NDRG4: variants seen among roughly 807,000 people sequenced by gnomAD.
NDRG4 encodes the protein NDRG family member 4, also known as protein NDRG4.
NDRG4 carries 38 observed loss-of-function variants against 55.8 expected under a neutral mutation model. That is an observed-to-expected ratio of 0.68 (90% CI 0.53 to 0.89). The LOEUF is 0.89. Ranked by LOEUF, NDRG4 falls within the 40% of genes least tolerant of loss-of-function variation. The probability of loss-of-function intolerance (pLI) is 0.00; values close to 1 mark genes in which losing one functional copy is unlikely to be tolerated. For missense variants in NDRG4, 455 were observed against 468.6 expected, an observed-to-expected ratio of 0.97 and a Z score of 0.27; for synonymous variants, 190 against 182.7, an observed-to-expected ratio of 1.04 and a Z score of -0.32.
intron 1 of NDRG4, among the ~76,000 whole-genome samples, chr16:58,478,715 T>A (rs1338140033): frequency 6.7e-6 from 1 of 148,640 alleles, no homozygotes; most frequent in African/African-American, 2.5e-5. Context: ...TTTTTGTAAT[T>A]TTTTTGTAAG....
intron 1 of NDRG4, among the ~76,000 whole-genome samples, chr16:58,467,810 G>A (rs1265223410): frequency 6.6e-6 from 1 of 152,240 alleles, no homozygotes; most frequent in East Asian, 1.9e-4. Context: ...AAGACGTCGA[G>A]TGCAGCTTCT....
Position 58,511,619 on chromosome 16 carries a change from G to A in NDRG4, c.*43G>A, listed in dbSNP as rs372458556. 44 of 1,611,246 alleles carry A rather than the reference G, an allele frequency of 2.7e-5. No individual in the cohort carries two copies. Among genetic ancestry groups the A allele is most frequent in the African/African-American group, 8.0e-5 (6 of 74,990 alleles). ...ACGACGCCCACGTCGAGGCCCCACC[G>A]CCATCCTTGCGCCGGCTCATGTTCC... On this transcript the variant is annotated 3_prime_UTR_variant, in exon 15 of 15. Coordinates refer to ENST00000570248, the MANE Select transcript of NDRG4 (RefSeq NM_001242835.2).
intron 1 of NDRG4, among the ~76,000 whole-genome samples, chr16:58,466,904 G>A: frequency 6.6e-6 from 1 of 152,278 alleles, no homozygotes; most frequent in Non-Finnish European, 1.5e-5. Flanking sequence ...GACCCTGGTG[G>A]GCACCTCTTG....
rs1417499455 is a variant in NDRG4, at chr16:58,512,857, G to C, written c.*1281G>C. On this transcript the variant is annotated 3_prime_UTR_variant, in exon 15 of 15. Coordinates refer to ENST00000570248, the MANE Select transcript of NDRG4 (RefSeq NM_001242835.2). ...TCAATAATCACAAACCCCAAAACGG[G>C]AGAGAGCAGTGAAAACATGCAGGGC... The C allele has an allele frequency of 6.5e-6, 1 of 152,836 alleles. No individual in the cohort carries two copies. The highest frequency in any genetic ancestry group is 2.4e-5 in the African/African-American group (1 of 41,458). The allele number at this position is 152,836 out of a possible 1,614,324, so 9.5% of individuals were successfully genotyped here.
intron 1 of NDRG4, among the ~76,000 whole-genome samples, chr16:58,484,982 C>A (rs1200337396): frequency 6.6e-6 from 1 of 151,146 alleles, no homozygotes; most frequent in Non-Finnish European, 1.5e-5. Flanking sequence ...CCCAGGTTCA[C>A]GCCATTCTCC....
At chr16:58,501,763 G>A (rs2037147917) in intron 1 of NDRG4, 1 of 332,646 alleles carries the variant, frequency 3.0e-6, no homozygotes, top group South Asian at 2.3e-5. Flanking sequence ...GTCACCTCAG[G>A]GGGATGGGGA....
intron 1 of NDRG4, chr16:58,501,948 G>A: frequency 2.2e-6 from 1 of 455,312 alleles, no homozygotes; most frequent in South Asian, 1.5e-5. Context: ...TATGCAGCAG[G>A]AGGCGCATTG....
intron 1 of NDRG4, 132 bp from the exon 2 acceptor site, chr16:58,503,656 CTTCTTGGGGT>C (rs1235248827): frequency 1.3e-6 from 2 of 1,511,008 alleles, no homozygotes; most frequent in Admixed American, 3.9e-5. Context: ...TCTCTGGGGG[CTTCTTGGGGT>C]GATGAGAACA....
intron 1 of NDRG4, among the ~76,000 whole-genome samples, chr16:58,467,316 G>A (rs1163107398): frequency 6.6e-6 from 1 of 152,176 alleles, no homozygotes; most frequent in Admixed American, 6.5e-5. Context: ...AGACCAGCCT[G>A]GCCAACGTGG....
At position 58,507,967 on chromosome 16, in the gene NDRG4, G is replaced by A. The variant is rs757243881; in HGVS notation, c.697G>A (p.Val233Ile). The part of the protein sequence containing the change: ...KTLRCPVMLV[V>I]GDNAPAEDGV... The stretch of plus-strand genomic sequence containing the variant: ...CTGCAGCTGCCCCGTGATGCTGGTG[G>A]TTGGGGATAATGCACCCGCTGAGGA... Residue 233 changes from valine (V) to isoleucine (I), a missense_variant, in exon 10 of 15, where the codon GTT becomes ATT. Coordinates refer to ENST00000570248, the MANE Select transcript of NDRG4 (RefSeq NM_001242835.2). 6.2e-7 allele frequency: 1 copy of A among 1,600,328 alleles called. No individual in the cohort carries two copies. Among genetic ancestry groups the A allele is most frequent in the Non-Finnish European group, 8.5e-7 (1 of 1,171,132 alleles).
chr16:58,509,292 C>T lies in NDRG4; in HGVS notation c.814-9C>T. 6.2e-7 allele frequency: 1 copy of T among 1,614,082 alleles called. No individual in the cohort carries two copies. Among genetic ancestry groups the T allele is most frequent in the South Asian group, 1.1e-5 (1 of 91,088 alleles). On this transcript the variant is annotated splice_polypyrimidine_tract_variant and intron_variant, in intron 12 of 14. Transcript: ENST00000570248. The stretch of plus-strand genomic sequence containing the variant: ...CAATGAAAGCATGTGCTTGTCCTGC[C>T]CTCCGCAGCCAGGGAAGCTGACTGA...
intron 10 of NDRG4, among the ~76,000 whole-genome samples, 185 bp from the exon 11 acceptor site, chr16:58,508,777 G>C (rs1362978997): frequency 6.6e-6 from 1 of 152,216 alleles, no homozygotes; most frequent in East Asian, 1.9e-4. Flanking sequence ...TGTTAAACTG[G>C]TCTCCAAGAA....
chr16:58,499,860 C>T (rs2036845875), upstream of NDRG4: 1 of 362,738 alleles, frequency 2.8e-6, no homozygotes, highest in Non-Finnish European at 5.3e-6. Context: ...TTCGGAGGAT[C>T]CCGTGTGAGC....
intron 5 of NDRG4, 38 bp from the exon 6 acceptor site, chr16:58,506,348 TC>T: frequency 6.3e-7 from 1 of 1,596,322 alleles, no homozygotes; most frequent in South Asian, 1.1e-5. Flanking sequence ...TCTGCACCCA[TC>T]CTGGCCCCGC....
At chr16:58,477,174 A>G (rs1279013716) in intron 1 of NDRG4, among the ~76,000 whole-genome samples, 2 of 151,498 alleles carry the variant, frequency 1.3e-5, no homozygotes, top group Non-Finnish European at 2.9e-5. Context: ...ATATATATAT[A>G]TATGTATGTG....
At chr16:58,506,157 T>TGTGTGTGTGTGTGTG in intron 5 of NDRG4, 1 of 294,712 alleles carries the variant, frequency 3.4e-6, no homozygotes, top group Admixed American at 4.2e-5. Context: ...TGTGTGTGTG[T>TGTGTGTGTGTGTGTG]CTGTGTGTGT....
intron 5 of NDRG4, 43 bp from the exon 6 acceptor site, chr16:58,506,344 C>A (rs375981574): frequency 1.3e-6 from 2 of 1,582,160 alleles, no homozygotes; most frequent in Non-Finnish European, 8.7e-7. Context: ...GCCATCTGCA[C>A]CCATCCTGGC....
At chr16:58,489,380 G>A (rs1407004294) in intron 2 of NDRG4, among the ~76,000 whole-genome samples, 1 of 151,786 alleles carries the variant, frequency 6.6e-6, no homozygotes, top group Non-Finnish European at 1.5e-5. Context: ...CAGCTCCCCC[G>A]CCTGTTCCCA....
chr16:58,503,157 T>G (rs2037380718), intron 1 of NDRG4, among the ~76,000 whole-genome samples: 1 of 152,066 alleles, frequency 6.6e-6, no homozygotes, highest in Non-Finnish European at 1.5e-5. Flanking sequence ...CTCAAGAGGA[T>G]CCCAGAGCAG....
Sources: allele counts gnomAD v4.1 joint callset (sites outside exome capture counted in the v4.1 genomes callset), GRCh38; gene constraint gnomAD v4.1.1; transcripts MANE v1.5; gene names NCBI Gene and HGNC (gene_info 2026-07-23, HGNC 2026-07-21).